The following SGCZ variants were observed in gnomAD, a reference collection of about 807,000 sequenced individuals.
The protein encoded by SGCZ is zeta-sarcoglycan.
In SGCZ, 40 loss-of-function variants were observed where a neutral mutation model predicts 41.3. The observed-to-expected ratio is 0.97, with a 90% confidence interval of 0.75 to 1.26. SGCZ has a LOEUF of 1.26. SGCZ is among the 50% of genes most tolerant of loss of function. The pLI is 0.00. For synonymous variants in SGCZ, 206 were observed against 137.5 expected (o/e 1.50, Z -3.49); for missense variants, 552 against 369.8 (o/e 1.49, Z -4.04).
chr8:14,320,550 C>T (rs1390961759), intron 3 of SGCZ, among the ~76,000 whole-genome samples: 1 of 151,846 alleles, frequency 6.6e-6, no homozygotes, highest in Non-Finnish European at 1.5e-5. Context: ...TGTCTGAATT[C>T]TATAAAGAAT....
intron 1 of SGCZ, among the ~76,000 whole-genome samples, chr8:14,603,812 C>T (rs1028179237): frequency 1.3e-5 from 2 of 152,008 alleles, no homozygotes; most frequent in Non-Finnish European, 2.9e-5. Flanking sequence ...GATCGGGACC[C>T]TTGTCCTGTC....
intron 1 of SGCZ, among the ~76,000 whole-genome samples, chr8:14,637,957 C>T (rs1806888688): frequency 6.6e-6 from 1 of 151,838 alleles, no homozygotes; most frequent in African/African-American, 2.4e-5. Context: ...TCTGTTTTCT[C>T]CACAGCTTTG....
chr8:15,204,173 G>C (rs557326696), intron 1 of SGCZ, among the ~76,000 whole-genome samples: 6 of 152,192 alleles, frequency 3.9e-5, no homozygotes, highest in Admixed American at 1.3e-4. Flanking sequence ...ATATCCAATG[G>C]TAATAAAGAG....
intron 4 of SGCZ, among the ~76,000 whole-genome samples, chr8:14,221,930 C>A (rs2117123271): frequency 6.6e-6 from 1 of 151,274 alleles, no homozygotes; most frequent in African/African-American, 2.4e-5. Flanking sequence ...CACTGCACTC[C>A]AGCCTGGGTG....
chr8:14,373,053 G>T (rs1293813891), intron 2 of SGCZ, among the ~76,000 whole-genome samples: 1 of 152,170 alleles, frequency 6.6e-6, no homozygotes, highest in East Asian at 1.9e-4. Context: ...AACAGAAGGA[G>T]AAGATCAGTC....
At chr8:15,049,522 G>T (rs1336179103) in intron 1 of SGCZ, among the ~76,000 whole-genome samples, 2 of 152,118 alleles carry the variant, frequency 1.3e-5, no homozygotes, top group African/African-American at 4.8e-5. Context: ...TTAAAAGATT[G>T]CTCTGACTCT....
At chr8:14,844,729 G>A (rs1046858683) in intron 1 of SGCZ, among the ~76,000 whole-genome samples, 2 of 152,066 alleles carry the variant, frequency 1.3e-5, no homozygotes, top group Admixed American at 6.6e-5. Context: ...TTTGCTTCTA[G>A]AAGTATGGAA....
chr8:14,523,177 C>T (rs936314415), intron 2 of SGCZ, among the ~76,000 whole-genome samples: 5 of 151,880 alleles, frequency 3.3e-5, no homozygotes, highest in Admixed American at 2.6e-4. Context: ...GTAATTCTTG[C>T]TTCATCCATA....
intron 1 of SGCZ, among the ~76,000 whole-genome samples, chr8:14,980,662 T>A (rs1801629614): frequency 6.6e-6 from 1 of 152,102 alleles, no homozygotes; most frequent in South Asian, 2.1e-4. Flanking sequence ...AAACCCCTGA[T>A]AAAACCATCA....
At chr8:14,566,230 T>C (rs1353684354) in intron 1 of SGCZ, among the ~76,000 whole-genome samples, 2 of 152,246 alleles carry the variant, frequency 1.3e-5, no homozygotes, top group East Asian at 1.9e-4. Context: ...TTATTTTTAT[T>C]CTCTTGAATT....
chr8:14,667,452 A>T (rs755364598), intron 1 of SGCZ, among the ~76,000 whole-genome samples: 1 of 152,204 alleles, frequency 6.6e-6, no homozygotes. Context: ...TCATGTTGTC[A>T]TAAAAGCTTG....
intron 2 of SGCZ, among the ~76,000 whole-genome samples, chr8:14,376,545 C>G (rs1440586823): frequency 6.6e-6 from 1 of 151,986 alleles, no homozygotes; most frequent in Non-Finnish European, 1.5e-5. Flanking sequence ...TAGACTTTGA[C>G]AAAATAATCA....
chr8:14,479,622 CCTCTG>C (rs1801466004), intron 2 of SGCZ, among the ~76,000 whole-genome samples: 1 of 151,920 alleles, frequency 6.6e-6, no homozygotes, highest in African/African-American at 2.4e-5. Context: ...AATTTTAATT[CCTCTG>C]CTAAGTCCTT....
intron 1 of SGCZ, among the ~76,000 whole-genome samples, chr8:14,808,601 G>A (rs1430610704): frequency 6.6e-6 from 1 of 152,174 alleles, no homozygotes; most frequent in Non-Finnish European, 1.5e-5. Context: ...AGAGGATGTG[G>A]AGAAATAGGA....
intron 1 of SGCZ, among the ~76,000 whole-genome samples, chr8:14,641,108 T>A (rs72607317): frequency 0.19 from 29,084 of 151,434 alleles, 3,306 homozygotes; most frequent in East Asian, 0.6. Context: ...CCAAAAAGAT[T>A]AGAGGGGGTA....
At position 15,231,718 on chromosome 8, in the gene SGCZ, T is replaced by A. The variant is rs568420294; in HGVS notation, c.39+5867A>T. Reference sequence around the variant, plus strand: ...CTCACTGCAACCTCCGCCTCCCACCTTCAAGCAATTCTCTCGCCTCAACCT... The same window carrying A: ...CTCACTGCAACCTCCGCCTCCCACCATCAAGCAATTCTCTCGCCTCAACCT... On this transcript the variant is annotated intron_variant, in intron 1 of 7. Coordinates refer to ENST00000382080, the MANE Select transcript of SGCZ (RefSeq NM_139167.4). Among the ~76,000 whole-genome samples, 57 of 140,546 alleles carry A rather than the reference T, an allele frequency of 4.1e-4. 1 individual carries two copies. Among genetic ancestry groups the A allele is most frequent in the African/African-American group, 1.5e-3 (56 of 38,070 alleles). The allele number at this position is 140,546 out of a possible 152,430, so 92.2% of individuals were successfully genotyped here.
At chr8:14,797,918 G>C (rs1016416530) in intron 1 of SGCZ, among the ~76,000 whole-genome samples, 29 of 152,316 alleles carry the variant, frequency 1.9e-4, no homozygotes, top group African/African-American at 7.0e-4. Context: ...TGAGACTGCA[G>C]GTACACAGAA....
intron 1 of SGCZ, among the ~76,000 whole-genome samples, chr8:14,824,238 G>A (rs1802212573): frequency 6.6e-6 from 1 of 152,008 alleles, no homozygotes; most frequent in Non-Finnish European, 1.5e-5. Flanking sequence ...ATTACCAAGA[G>A]GGGCTCCTCA....
At chr8:15,153,524 A>G (rs774194033) in intron 1 of SGCZ, among the ~76,000 whole-genome samples, 3 of 152,010 alleles carry the variant, frequency 2.0e-5, no homozygotes, top group Non-Finnish European at 4.4e-5. Flanking sequence ...TGTAACCCCC[A>G]ATGATGGAGG....
Sources: gnomAD v4.1 joint callset for allele counts (sites outside exome capture counted in the v4.1 genomes callset) on GRCh38, gnomAD v4.1.1 for gene constraint, MANE v1.5 for transcripts, NCBI Gene and HGNC (gene_info 2026-07-23, HGNC 2026-07-21) for gene names.